The following ZEB2 variants were observed in gnomAD, a reference collection of about 807,000 sequenced individuals.
ZEB2 encodes zinc finger E-box binding homeobox 2.
A neutral mutation model predicts 99.9 loss-of-function variants in ZEB2; 6 were observed. That is an observed-to-expected ratio of 0.06 (90% CI 0.03 to 0.12). ZEB2 has a LOEUF of 0.12. ZEB2 is among the 10% of genes least tolerant of loss of function. ZEB2 has a pLI of 1.00. For missense variants in ZEB2, 969 were observed against 1,502.8 expected (o/e 0.64, Z 5.87); for synonymous variants, 517 against 542.5 (o/e 0.95, Z 0.65).
At chr2:144,446,970 C>T (rs184952395) in intron 2 of ZEB2, among the ~76,000 whole-genome samples, 3 of 148,940 alleles carry the variant, frequency 2.0e-5, no homozygotes, top group African/African-American at 7.5e-5. Context: ...GAGCTGAGAT[C>T]GCGCCACGGC....
At chr2:144,415,010 T>C (rs990375880) in intron 4 of ZEB2, among the ~76,000 whole-genome samples, 5 of 151,808 alleles carry the variant, frequency 3.3e-5, no homozygotes, top group African/African-American at 1.2e-4. Flanking sequence ...TTTTCTTTTT[T>C]TTTTTTAAAT....
Position 144,398,390 on chromosome 2 carries a change from G to A in ZEB2, c.2797C>T (p.Pro933Ser), listed in dbSNP as rs1165663655. The A allele has an allele frequency of 1.2e-6, 2 of 1,613,956 alleles. No homozygotes were observed. Among genetic ancestry groups the A allele is most frequent in the Non-Finnish European group, 1.7e-6 (2 of 1,179,990 alleles). The change falls in exon 8 of 10, where the codon CCA becomes TCA. Residue 933 changes from proline (P) to serine (S), a missense_variant. Pro to Ser is a moderately conservative substitution (Grantham distance 74, BLOSUM62 -1). Around this residue, in one of 8 missense-constraint regions of ZEB2, gnomAD observed 346 missense variants for 460.0 expected, o/e 0.75. Coordinates refer to ENST00000627532, the MANE Select transcript of ZEB2 (RefSeq NM_014795.4). ...GTTGGGTAGGTGTAGGCCATATGTG[G>A]TAGGAAGCTCATCTGATCCAGTCCT... ...YPGLDQMSFL[P>S]HMAYTYPTGA...
chr2:144,470,341 A>G (rs1245970275), intron 2 of ZEB2: 1 of 152,204 alleles, frequency 6.6e-6, no homozygotes, highest in Non-Finnish European at 1.5e-5. Flanking sequence ...TAGAGATCAC[A>G]TGAGAAAAAA....
chr2:144,513,061 G>T, intron 2 of ZEB2: 4 of 1,287,156 alleles, frequency 3.1e-6, no homozygotes, highest in Non-Finnish European at 4.0e-6. Context: ...TATGACTCTC[G>T]TTGCCCCATC....
At chr2:144,392,024 T>C (rs1046180333) in intron 9 of ZEB2, among the ~76,000 whole-genome samples, 1 of 152,226 alleles carries the variant, frequency 6.6e-6, no homozygotes, top group African/African-American at 2.4e-5. Context: ...TGTTAGATCA[T>C]GTTATTCTTA....
rs1705089308 is a variant in ZEB2, at chr2:144,513,969, T to C, written c.73+3309A>G. 4 of 1,318,428 alleles carry C rather than the reference T, an allele frequency of 3.0e-6. No homozygotes were observed. In the Admixed American group the frequency reaches 1.0e-4, roughly 33 times the overall value. 81.7% of individuals were successfully genotyped at this position (1,318,428 alleles called of 1,614,324 possible). On this transcript the variant is annotated intron_variant, in intron 2 of 9. Coordinates refer to ENST00000627532, the MANE Select transcript of ZEB2 (RefSeq NM_014795.4). ...TCTTGTCTGCGGGCAACTCGCTTTT[T>C]GCCTCCTTCCCCCTCACCCCACTCC... is the stretch of plus-strand genomic sequence containing the variant.
At chr2:144,492,653 T>C (rs1704697383) in intron 2 of ZEB2, among the ~76,000 whole-genome samples, 1 of 152,080 alleles carries the variant, frequency 6.6e-6, no homozygotes, top group African/African-American at 2.4e-5. Context: ...GTCTCAAAGG[T>C]GTCATTGAGA....
intron 2 of ZEB2, chr2:144,462,698 A>C (rs1704211495): frequency 6.6e-6 from 1 of 152,232 alleles, no homozygotes; most frequent in African/African-American, 2.4e-5. Context: ...TTGAAGTCTT[A>C]CTAACTTCAA....
At chr2:144,483,445 G>A (rs1349198954) in intron 2 of ZEB2, among the ~76,000 whole-genome samples, 1 of 152,138 alleles carries the variant, frequency 6.6e-6, no homozygotes, top group Non-Finnish European at 1.5e-5. Context: ...GTTACCTTTT[G>A]TGTTTAAAGT....
chr2:144,390,635 A>G (rs1560602583), intron 9 of ZEB2: 1 of 165,576 alleles, frequency 6.0e-6, no homozygotes, highest in Non-Finnish European at 1.3e-5. Flanking sequence ...AACCATTAGA[A>G]AATACAAATT....
intron 2 of ZEB2, chr2:144,512,456 C>T (rs948944087): frequency 7.8e-7 from 1 of 1,287,034 alleles, no homozygotes; most frequent in African/African-American, 1.5e-5. Flanking sequence ...GCATCAAGGT[C>T]TTTAATAACC....
intron 2 of ZEB2, among the ~76,000 whole-genome samples, chr2:144,506,125 T>C (rs1238869978): frequency 6.6e-6 from 1 of 152,206 alleles, no homozygotes; most frequent in Admixed American, 6.5e-5. Context: ...TCATGTGGCA[T>C]AGGGAACACA....
At chr2:144,502,032 T>G (rs1704877377) in intron 2 of ZEB2, among the ~76,000 whole-genome samples, 1 of 152,188 alleles carries the variant, frequency 6.6e-6, no homozygotes, top group Non-Finnish European at 1.5e-5. Context: ...AAACTACCAC[T>G]GAAAAGAAAT....
At chr2:144,463,993 G>A (rs1035036063) in intron 2 of ZEB2, 5 of 152,180 alleles carry the variant, frequency 3.3e-5, no homozygotes. Flanking sequence ...CTCAGGGAAG[G>A]CTTCATGGGG....
intron 2 of ZEB2, among the ~76,000 whole-genome samples, chr2:144,465,079 G>A (rs1328057677): frequency 1.3e-5 from 2 of 152,162 alleles, no homozygotes; most frequent in Non-Finnish European, 2.9e-5. Context: ...TTTGGCAATG[G>A]AAAGAGTAGC....
chr2:144,436,387 C>T (rs1341774608), intron 2 of ZEB2, among the ~76,000 whole-genome samples: 1 of 152,150 alleles, frequency 6.6e-6, no homozygotes, highest in Admixed American at 6.6e-5. Context: ...AAAATGTCAG[C>T]TGATAAAACA....
At chr2:144,420,749 G>C (rs1703608926) in intron 4 of ZEB2, among the ~76,000 whole-genome samples, 3 of 152,088 alleles carry the variant, frequency 2.0e-5, no homozygotes, top group African/African-American at 7.2e-5. Context: ...GAAGAAAGGA[G>C]CTGGGGGATT....
intron 4 of ZEB2, among the ~76,000 whole-genome samples, chr2:144,411,057 C>CTATATA (rs4008310): frequency 2.2e-3 from 91 of 40,768 alleles, no homozygotes; most frequent in East Asian, 3.5e-3. Context: ...ACAGACATGT[C>CTATATA]TATATATATA....
Position 144,399,222 on chromosome 2 carries a change from G to C in ZEB2, c.1965C>G (p.His655Gln), listed in dbSNP as rs1290881093. Residue 655 changes from histidine (H) to glutamine (Q), a missense_variant, in exon 8 of 10, where the codon CAC becomes CAG. This residue lies in a region of ZEB2 where 346 missense variants were observed against 460.0 expected (regional missense o/e 0.75). Coordinates refer to ENST00000627532, the MANE Select transcript of ZEB2 (RefSeq NM_014795.4). The surrounding 1 kb of genome is among the most constrained non-coding windows in gnomAD (Gnocchi z 5.6). ...MTSPINPYKD[H>Q]MSVLKAYYAM... ...CATAGTATGCTTTGAGTACAGACAT[G>C]TGGTCCTTGTATGGGTTGATGGGGC... The C allele has an allele frequency of 6.2e-7, 1 of 1,614,140 alleles. No homozygotes were observed. Among genetic ancestry groups the C allele is most frequent in the Non-Finnish European group, 8.5e-7 (1 of 1,180,014 alleles).
Sources: allele counts gnomAD v4.1 joint callset (sites outside exome capture counted in the v4.1 genomes callset), GRCh38; gene constraint gnomAD v4.1.1; regional missense constraint gnomAD v4.1.1; non-coding constraint Gnocchi (gnomAD v3.1); transcripts MANE v1.5; gene names NCBI Gene and HGNC (gene_info 2026-07-23, HGNC 2026-07-21).